CD44: variants seen among roughly 807,000 people sequenced by gnomAD.
CD44 encodes CD44 molecule (IN blood group).
Under a neutral mutation model 88.8 loss-of-function variants are expected in CD44, and 49 were observed. The ratio of observed to expected loss-of-function variants is 0.55; its 90% CI spans 0.44 to 0.70. CD44 has a LOEUF of 0.70. CD44 is among the 30% of genes least tolerant of loss of function. CD44 has a pLI of 0.00. For synonymous variants in CD44, 325 were observed against 312.3 expected (o/e 1.04, Z -0.43); for missense variants, 883 against 913.8 (o/e 0.97, Z 0.43).
At chr11:35,225,042 C>T (rs1372406379) in intron 17 of CD44, among the ~76,000 whole-genome samples, 1 of 152,168 alleles carries the variant, frequency 6.6e-6, no homozygotes, top group Non-Finnish European at 1.5e-5. Flanking sequence ...ATAGAACTTT[C>T]TGTGATGATG....
chr11:35,139,570 GA>G (rs764745940), intron 1 of CD44, 200 bp downstream of exon 1: 39 of 766,862 alleles, frequency 5.1e-5, no homozygotes, highest in Non-Finnish European at 8.8e-5. Context: ...CCATTTGGTT[GA>G]AAGAAAAAGA....
intron 16 of CD44, among the ~76,000 whole-genome samples, chr11:35,220,463 T>C (rs1206495102): frequency 6.6e-6 from 1 of 152,092 alleles, no homozygotes; most frequent in Non-Finnish European, 1.5e-5. Flanking sequence ...AAATCAGAGA[T>C]AAACCAAAAT....
At chr11:35,226,872 CT>C (rs1949722611) in intron 17 of CD44, among the ~76,000 whole-genome samples, 1 of 131,010 alleles carries the variant, frequency 7.6e-6, no homozygotes, top group Non-Finnish European at 1.6e-5. Context: ...TTTCTTCTTT[CT>C]TTTTTCCTTT....
At chr11:35,199,940 T>TG (rs1565119044) in intron 7 of CD44, among the ~76,000 whole-genome samples, 1 of 65,204 alleles carries the variant, frequency 1.5e-5, no homozygotes. Flanking sequence ...TGTTGTTTTT[T>TG]TTTTTTTTTT....
intron 1 of CD44, among the ~76,000 whole-genome samples, chr11:35,168,155 A>G (rs1473072186): frequency 6.6e-6 from 1 of 152,162 alleles, no homozygotes; most frequent in East Asian, 1.9e-4. Context: ...AATAATATTC[A>G]ATAAGCTCAA....
chr11:35,181,934 A>ATATAATATATAT (rs1491126504), intron 3 of CD44, among the ~76,000 whole-genome samples: 1 of 66,050 alleles, frequency 1.5e-5, no homozygotes, highest in Non-Finnish European at 2.8e-5. Context: ...TATTATATAT[A>ATATAATATATAT]AATTATATAT....
intron 1 of CD44, among the ~76,000 whole-genome samples, chr11:35,145,778 A>G (rs1280804524): frequency 6.6e-6 from 1 of 152,140 alleles, no homozygotes; most frequent in African/African-American, 2.4e-5. Flanking sequence ...GAAGTACTAT[A>G]TGGGAGATGC....
At chr11:35,228,499 T>C (rs1410048175) in intron 17 of CD44, among the ~76,000 whole-genome samples, 1 of 152,210 alleles carries the variant, frequency 6.6e-6, no homozygotes, top group Non-Finnish European at 1.5e-5. Flanking sequence ...ATCATGTTGA[T>C]GGTTTATCTA....
chr11:35,211,674 A>ATGTGTG (rs57790931), intron 14 of CD44, among the ~76,000 whole-genome samples: 4 of 149,026 alleles, frequency 2.7e-5, no homozygotes, highest in Non-Finnish European at 6.0e-5. Flanking sequence ...CTGTGTTTGC[A>ATGTGTG]TGTGTGTGTG....
At chr11:35,206,265 A>G (rs1947829608) in intron 11 of CD44, 22 bp downstream of exon 11, 2 of 1,579,450 alleles carry the variant, frequency 1.3e-6, no homozygotes, top group Non-Finnish European at 8.6e-7. Context: ...TGAGATTTTT[A>G]TATATTATGT....
chr11:35,222,868 C>T, intron 17 of CD44: 1 of 985,254 alleles, frequency 1.0e-6, no homozygotes, highest in Non-Finnish European at 1.2e-6. Flanking sequence ...GTCCCCAGAT[C>T]ACCTCACAGG....
chr11:35,189,803 G>A, intron 4 of CD44, 32 bp from the exon 5 acceptor site: 3 of 1,432,186 alleles, frequency 2.1e-6, no homozygotes, highest in Non-Finnish European at 2.9e-6. Context: ...TATGAGCTGT[G>A]AAGTTCTGTA....
At position 35,210,071 on chromosome 11, in the gene CD44, C is replaced by G; in HGVS notation, c.1606+17C>G. 6.9e-7 allele frequency: 1 copy of G among 1,441,808 alleles called. No homozygotes were observed. Among genetic ancestry groups the G allele is most frequent in the Non-Finnish European group, 9.4e-7 (1 of 1,067,582 alleles). 89.3% of individuals were successfully genotyped at this position (1,441,808 alleles called of 1,614,324 possible). Reference sequence around the variant, plus strand: ...CATCAAGCAGTAAGGATTATAAAACCTAGTTGGCTTCAGCTATTGATAAGA... The same window carrying G: ...CATCAAGCAGTAAGGATTATAAAACGTAGTTGGCTTCAGCTATTGATAAGA... On this transcript the variant is annotated intron_variant, in intron 13 of 17. Coordinates refer to ENST00000428726, the MANE Select transcript of CD44 (RefSeq NM_000610.4).
At chr11:35,206,690 G>C (rs967577335) in intron 11 of CD44, among the ~76,000 whole-genome samples, 29 of 150,858 alleles carry the variant, frequency 1.9e-4, no homozygotes, top group African/African-American at 5.8e-4. Context: ...GTTTTCCTAA[G>C]AAGGAGACTC....
intron 9 of CD44, among the ~76,000 whole-genome samples, chr11:35,203,002 G>T (rs1437833969): frequency 6.6e-6 from 1 of 152,184 alleles, no homozygotes; most frequent in Non-Finnish European, 1.5e-5. Flanking sequence ...TCAAAAGGTG[G>T]TGCTTGCGGG....
At chr11:35,197,523 C>A (rs1946873911) in intron 6 of CD44, 1 of 152,316 alleles carries the variant, frequency 6.6e-6, no homozygotes, top group African/African-American at 2.4e-5. Flanking sequence ...AAAATGATTT[C>A]TCTGTTAATT....
In CD44 at chr11:35,201,671, A is replaced by T; in HGVS notation, c.1037A>T (p.Asp346Val). ...GTGTATTTAACCATCATCACAGCAGATGTAGACAGAAATGGCACCACTGCT... is the reference window on the plus strand; with the variant it reads ...GTGTATTTAACCATCATCACAGCAGTTGTAGACAGAAATGGCACCACTGCT... Reference protein sequence around the residue: ...VLLQTTTRMTDVDRNGTTAYE... With the variant: ...VLLQTTTRMTVVDRNGTTAYE... Residue 346 changes from aspartate to valine, a missense_variant and splice_region_variant, in exon 9 of 18, where the codon GAT (aspartate) becomes GTT (valine). Asp to Val is a radical substitution (Grantham distance 152). Coordinates refer to ENST00000428726, the MANE Select transcript of CD44 (RefSeq NM_000610.4). The T allele has an allele frequency of 6.2e-7, 1 of 1,613,672 alleles. No homozygotes were observed. Among genetic ancestry groups the T allele is most frequent in the Non-Finnish European group, 8.5e-7 (1 of 1,179,660 alleles).
intron 13 of CD44, among the ~76,000 whole-genome samples, chr11:35,210,960 A>G (rs1948335024): frequency 6.6e-6 from 1 of 152,222 alleles, no homozygotes; most frequent in African/African-American, 2.4e-5. Flanking sequence ...CTTCAAGATC[A>G]CAGTTGTAGT....
Position 35,211,362 on chromosome 11 carries a change from C to G in CD44, c.1723C>G (p.Pro575Ala). The change falls in exon 14 of 18, where the codon CCA (proline) becomes GCA (alanine). Residue 575 changes from proline (P) to alanine (A), a missense_variant. Pro to Ala is a conservative substitution (Grantham distance 27). Around this residue, in one of 2 missense-constraint regions of CD44, gnomAD observed 631 missense variants for 590.9 expected, o/e 1.07. Transcript: ENST00000428726. ...CACGAAGGAAAGCAGGACCTTCATC[C>G]CAGTGACCTCAGCTAAGACTGGGTC... ...PHTKESRTFIPVTSAKTGSFG... is the reference protein window; with the variant it reads ...PHTKESRTFIAVTSAKTGSFG... 3.1e-6 allele frequency: 5 copies of G among 1,613,990 alleles called. No individual in the cohort carries two copies. Among genetic ancestry groups the G allele is most frequent in the Non-Finnish European group, 4.2e-6 (5 of 1,179,884 alleles).
Sources: allele counts gnomAD v4.1 joint callset (sites outside exome capture counted in the v4.1 genomes callset), GRCh38; gene constraint gnomAD v4.1.1; regional missense constraint gnomAD v4.1.1; transcripts MANE v1.5; gene names NCBI Gene and HGNC (gene_info 2026-07-23, HGNC 2026-07-21).